Variants in TMTC2 observed in about 807,000 individuals in gnomAD.
TMTC2 encodes transmembrane O-mannosyltransferase targeting cadherins 2, also known as protein O-mannosyl-transferase TMTC2.
Under a neutral mutation model 82.4 loss-of-function variants are expected in TMTC2, and 43 were observed. That is an observed-to-expected ratio of 0.52 (90% confidence interval 0.41 to 0.67). TMTC2 has a LOEUF of 0.67. TMTC2 is among the 30% of genes least tolerant of loss of function. The pLI is 0.00. For synonymous variants in TMTC2, 408 were observed against 381.9 expected (o/e 1.07, Z -0.80); for missense variants, 919 against 1,012.4 (o/e 0.91, Z 1.25).
At chr12:82,925,080 G>C (rs1286955457) in intron 3 of TMTC2, among the ~76,000 whole-genome samples, 1 of 152,128 alleles carries the variant, frequency 6.6e-6, no homozygotes, top group Non-Finnish European at 1.5e-5. Flanking sequence ...GGCATCAGCA[G>C]TCCTTGCCAG....
At chr12:83,042,753 C>T (rs1881941517) in intron 9 of TMTC2, among the ~76,000 whole-genome samples, 1 of 152,166 alleles carries the variant, frequency 6.6e-6, no homozygotes, top group Non-Finnish European at 1.5e-5. Flanking sequence ...TAAAGTACTT[C>T]AAACCTTCCT....
chr12:82,918,734 CTCTCTT>C (rs1875178499), intron 3 of TMTC2, among the ~76,000 whole-genome samples: 1 of 149,664 alleles, frequency 6.7e-6, no homozygotes. Context: ...CTCTCTCTCT[CTCTCTT>C]TCTCTCCCTC....
At chr12:82,908,379 A>G (rs955994090) in intron 3 of TMTC2, among the ~76,000 whole-genome samples, 5 of 102,268 alleles carry the variant, frequency 4.9e-5, no homozygotes, top group Non-Finnish European at 9.4e-5. Flanking sequence ...TCTGTAGGTA[A>G]CTTTTATCAG....
intron 1 of TMTC2, among the ~76,000 whole-genome samples, chr12:82,711,505 TA>T (rs1289361154): frequency 2.0e-5 from 3 of 152,090 alleles, no homozygotes; most frequent in African/African-American, 7.2e-5. Flanking sequence ...TGGAAGTGAA[TA>T]CACTTCAAAA....
At chr12:82,742,359 T>A (rs1204315447) in intron 1 of TMTC2, among the ~76,000 whole-genome samples, 1 of 148,342 alleles carries the variant, frequency 6.7e-6, no homozygotes, top group Non-Finnish European at 1.5e-5. Flanking sequence ...TGAAGAAGTT[T>A]AAAAAAAAAA....
chr12:82,912,939 G>GGAA (rs1555196769), intron 3 of TMTC2, among the ~76,000 whole-genome samples: 1 of 126,930 alleles, frequency 7.9e-6, no homozygotes, highest in Non-Finnish European at 1.6e-5. Flanking sequence ...GACCTTGTCT[G>GGAA]AAAAAAAAAA....
chr12:82,806,853 TC>T (rs1879267246), intron 1 of TMTC2, among the ~76,000 whole-genome samples: 1 of 151,586 alleles, frequency 6.6e-6, no homozygotes, highest in African/African-American at 2.4e-5. Context: ...CAAAAGAAAA[TC>T]TGTATAAGTG....
intron 8 of TMTC2, among the ~76,000 whole-genome samples, chr12:83,003,032 A>G (rs1879997277): frequency 1.3e-5 from 2 of 152,146 alleles, no homozygotes; most frequent in Middle Eastern, 3.2e-3. Context: ...GCCTCCCACT[A>G]TACTATATGG....
chr12:82,713,660 G>T (rs1873753379), intron 1 of TMTC2, among the ~76,000 whole-genome samples: 1 of 152,160 alleles, frequency 6.6e-6, no homozygotes, highest in Non-Finnish European at 1.5e-5. Context: ...CCATGATTCA[G>T]TTACCTCCCA....
At chr12:83,028,958 A>C (rs1881298726) in intron 8 of TMTC2, among the ~76,000 whole-genome samples, 1 of 152,164 alleles carries the variant, frequency 6.6e-6, no homozygotes. Flanking sequence ...TTTAACGAGG[A>C]GTTACTGAAT....
chr12:82,772,453 A>G (rs747591258), intron 1 of TMTC2, among the ~76,000 whole-genome samples: 7 of 152,140 alleles, frequency 4.6e-5, no homozygotes, highest in Non-Finnish European at 4.4e-5. Context: ...ATTTTTTTTT[A>G]TAATTCTATC....
chr12:82,891,284 TG>T (rs551415160), intron 2 of TMTC2, among the ~76,000 whole-genome samples: 7 of 152,190 alleles, frequency 4.6e-5, no homozygotes, highest in Admixed American at 2.6e-4. Flanking sequence ...AAGAGAGATT[TG>T]TTTTTTTATC....
At chr12:82,722,833 G>T (rs968994044) in intron 1 of TMTC2, among the ~76,000 whole-genome samples, 11 of 152,148 alleles carry the variant, frequency 7.2e-5, no homozygotes, top group African/African-American at 2.2e-4. Flanking sequence ...GAAACAGATA[G>T]TTTTAAAGAA....
chr12:82,778,836 G>A (rs1285605760), intron 1 of TMTC2, among the ~76,000 whole-genome samples: 5 of 105,106 alleles, frequency 4.8e-5, no homozygotes, highest in South Asian at 3.5e-4. Flanking sequence ...GCGACAGAGC[G>A]AGACTCCGTC....
chr12:83,042,516 CTG>C (rs1300503584), intron 9 of TMTC2, among the ~76,000 whole-genome samples: 3 of 152,168 alleles, frequency 2.0e-5, no homozygotes, highest in African/African-American at 7.2e-5. Flanking sequence ...CCTGTTGAAT[CTG>C]TGTGTTACTT....
chr12:82,841,390 G>A (rs1870327814), intron 1 of TMTC2, among the ~76,000 whole-genome samples: 1 of 152,130 alleles, frequency 6.6e-6, no homozygotes, highest in African/African-American at 2.4e-5. Context: ...CCTCATTCTT[G>A]GATGAAATAT....
At chr12:82,943,372 G>T (rs939454514) in intron 4 of TMTC2, among the ~76,000 whole-genome samples, 23 of 152,278 alleles carry the variant, frequency 1.5e-4, no homozygotes, top group Admixed American at 8.5e-4. Context: ...TGAGACAATT[G>T]CTATTGGCAT....
At chr12:82,971,388 A>G (rs1264314033) in intron 7 of TMTC2, among the ~76,000 whole-genome samples, 2 of 152,142 alleles carry the variant, frequency 1.3e-5, no homozygotes, top group Non-Finnish European at 2.9e-5. Context: ...AGTACATTGA[A>G]TATACTGGAT....
At chr12:82,735,512 A>AT (rs1315915764) in intron 1 of TMTC2, among the ~76,000 whole-genome samples, 3 of 151,714 alleles carry the variant, frequency 2.0e-5, no homozygotes, top group Non-Finnish European at 4.4e-5. Context: ...CGCCCGGCTA[A>AT]TTTTTTGTAT....
Sources: gnomAD v4.1 joint callset for allele counts (sites outside exome capture counted in the v4.1 genomes callset) on GRCh38, gnomAD v4.1.1 for gene constraint, MANE v1.5 for transcripts, NCBI Gene and HGNC (gene_info 2026-07-23, HGNC 2026-07-21) for gene names.